The following ASZ1 variants were observed in gnomAD, a reference collection of about 807,000 sequenced individuals.
ASZ1 encodes the protein ankyrin repeat, SAM and basic leucine zipper domain containing 1, also known as ankyrin repeat, SAM and basic leucine zipper domain-containing protein 1.
A neutral mutation model predicts 61.8 loss-of-function variants in ASZ1; 67 were observed. That is an observed-to-expected ratio of 1.08 (90% CI 0.89 to 1.33). The LOEUF is 1.33. Among genes scored for constraint, ASZ1 ranks in the 40% most tolerant of loss-of-function variants. ASZ1 has a pLI of 0.00. For synonymous variants in ASZ1, 193 were observed against 192.7 expected (o/e 1.00, Z -0.01); for missense variants, 577 against 554.5 (o/e 1.04, Z -0.41).
At chr7:117,410,193 A>G (rs1005080370) in intron 4 of ASZ1, among the ~76,000 whole-genome samples, 1 of 151,770 alleles carries the variant, frequency 6.6e-6, no homozygotes, top group Admixed American at 6.6e-5. Flanking sequence ...TTTATATGCA[A>G]CACTTTTTAC....
rs1487410530 is a variant in ASZ1 at position 117,382,133 on chromosome 7, G to A, written c.824C>T (p.Ala275Val). 1.9e-6 allele frequency: 3 copies of A among 1,591,676 alleles called. No individual in the cohort carries two copies. The Admixed American group carries it at 5.0e-5, about 27-fold the overall frequency. ...EKDHIFSSYTAFGDLEVFLHG... is the reference protein window; with the variant it reads ...EKDHIFSSYTVFGDLEVFLHG... ...TAAAAATACTTCCAGATCTCCAAATGCTGTATATGAACTGTATACATTTAT... is the reference window on the plus strand; with the variant it reads ...TAAAAATACTTCCAGATCTCCAAATACTGTATATGAACTGTATACATTTAT... Residue 275 changes from alanine (A) to valine (V), a missense_variant, in exon 8 of 13, where the codon GCA (alanine) becomes GTA (valine). By Grantham distance (64) the Ala-to-Val change is moderately conservative. Transcript: ENST00000284629.
chr7:117,363,639 C>T lies in ASZ1; in HGVS notation c.1385G>A (p.Gly462Asp). 6.2e-7 allele frequency: 1 copy of T among 1,603,876 alleles called. No homozygotes were observed. The highest frequency in any genetic ancestry group is 8.5e-7 in the Non-Finnish European group (1 of 1,176,134). ...TAGCTTGCAAATGAAAAGAAGAAAA[C>T]CGAATCCGCATATGGTAATAGCTGT... ...KRTAITICGF[G>D]FLLFICKLTF... Residue 462 changes from glycine to aspartate, a missense_variant, in exon 13 of 13, where the codon GGT becomes GAT. Physicochemically the swap from Gly to Asp is moderately conservative, Grantham distance 94. Coordinates refer to ENST00000284629, the MANE Select transcript of ASZ1 (RefSeq NM_130768.3).
At chr7:117,393,698 C>T (rs529656162) in intron 4 of ASZ1, among the ~76,000 whole-genome samples, 9 of 152,050 alleles carry the variant, frequency 5.9e-5, no homozygotes, top group African/African-American at 1.7e-4. Context: ...TGAGTTTTAC[C>T]GATTATATTA....
At chr7:117,396,252 T>C (rs1287645507) in intron 4 of ASZ1, among the ~76,000 whole-genome samples, 2 of 152,180 alleles carry the variant, frequency 1.3e-5, no homozygotes, top group Non-Finnish European at 2.9e-5. Context: ...TAATAGGTAT[T>C]TTTATTATTA....
intron 4 of ASZ1, among the ~76,000 whole-genome samples, chr7:117,395,066 A>T (rs1341096163): frequency 1.3e-5 from 2 of 152,102 alleles, no homozygotes; most frequent in African/African-American, 4.8e-5. Context: ...TTGGTTGTGC[A>T]CCTACCTTCT....
At chr7:117,397,736 C>G (rs1796603309) in intron 4 of ASZ1, among the ~76,000 whole-genome samples, 1 of 152,164 alleles carries the variant, frequency 6.6e-6, no homozygotes, top group Non-Finnish European at 1.5e-5. Context: ...AAGAAAAATC[C>G]CCATCTCTCC....
chr7:117,373,156 TAAAAATTTCA>T (rs1205949084), intron 10 of ASZ1, among the ~76,000 whole-genome samples: 2 of 152,174 alleles, frequency 1.3e-5, no homozygotes, highest in Non-Finnish European at 2.9e-5. Context: ...CAGGAACAGT[TAAAAATTTCA>T]AATGTGAATG....
intron 10 of ASZ1, among the ~76,000 whole-genome samples, chr7:117,374,920 A>T (rs1562846158): frequency 6.6e-6 from 1 of 152,106 alleles, no homozygotes; most frequent in Non-Finnish European, 1.5e-5. Flanking sequence ...TTCCTAAGCA[A>T]TAAAAGAACA....
intron 4 of ASZ1, among the ~76,000 whole-genome samples, chr7:117,400,127 A>C (rs1298632382): frequency 6.6e-6 from 1 of 152,196 alleles, no homozygotes; most frequent in African/African-American, 2.4e-5. Flanking sequence ...TCTTCATGTC[A>C]TATTTTTGCA....
At position 117,382,158 on chromosome 7, in the gene ASZ1, T is replaced by C. The variant is rs747673498; in HGVS notation, c.813-14A>G. The stretch of plus-strand genomic sequence containing the variant: ...GCTGTATATGAACTGTATACATTTA[T>C]AGCAATGTCAATTTCAGAACAGATT... On this transcript the variant is annotated splice_polypyrimidine_tract_variant and intron_variant, in intron 7 of 12. Coordinates refer to ENST00000284629, the MANE Select transcript of ASZ1 (RefSeq NM_130768.3). The C allele has an allele frequency of 3.4e-6, 5 of 1,489,618 alleles. No homozygotes were observed. Among genetic ancestry groups the C allele is most frequent in the Non-Finnish European group, 4.7e-6 (5 of 1,070,840 alleles). The allele number at this position is 1,489,618 out of a possible 1,614,324, so 92.3% of individuals were successfully genotyped here. A position where few individuals can be genotyped will look rare whatever the true frequency, so the allele number is the denominator to read the frequency against.
chr7:117,420,096 T>C lies in ASZ1; in HGVS notation c.440+67A>G, dbSNP rs1016023320. 35 of 1,175,816 alleles carry C rather than the reference T, an allele frequency of 3.0e-5. No individual in the cohort carries two copies. The Middle Eastern group carries it at 8.1e-4, about 27-fold the overall frequency. 72.8% of individuals were successfully genotyped at this position (1,175,816 alleles called of 1,614,324 possible). A position where few individuals can be genotyped will look rare whatever the true frequency, so the allele number is the denominator to read the frequency against. ...CCAAGTAAACATTGTTCATGATTTT[T>C]AAAAGGCTGATACCAAAGAAAAATT... On this transcript the variant is annotated intron_variant, in intron 4 of 12. Coordinates refer to ENST00000284629, the MANE Select transcript of ASZ1 (RefSeq NM_130768.3).
intron 10 of ASZ1, among the ~76,000 whole-genome samples, chr7:117,371,397 T>A (rs907582466): frequency 2.6e-5 from 4 of 152,118 alleles, no homozygotes; most frequent in Non-Finnish European, 5.9e-5. Flanking sequence ...TTTATATACA[T>A]AATACATATA....
At position 117,384,715 on chromosome 7, in the gene ASZ1, C is replaced by G. The variant is rs766587239; in HGVS notation, c.687+11G>C. 3 of 1,608,864 alleles carry G rather than the reference C, an allele frequency of 1.9e-6. No homozygotes were observed. The South Asian group carries it at 3.3e-5, about 18-fold the overall frequency. On this transcript the variant is annotated intron_variant, in intron 6 of 12. Transcript: ENST00000284629. ...CCACAGAAAATAAGTTTAATATGTA[C>G]AGAAGGATACCTCATGATGTTTGTT... is the stretch of plus-strand genomic sequence containing the variant.
chr7:117,401,582 T>C (rs1055275964), intron 4 of ASZ1, among the ~76,000 whole-genome samples: 13 of 152,198 alleles, frequency 8.5e-5, no homozygotes, highest in African/African-American at 3.1e-4. Context: ...TAGAGTTTAC[T>C]GAGAACTTAC....
At chr7:117,397,002 T>C (rs1796587343) in intron 4 of ASZ1, among the ~76,000 whole-genome samples, 1 of 151,680 alleles carries the variant, frequency 6.6e-6, no homozygotes, top group African/African-American at 2.4e-5. Flanking sequence ...AAATAGCATC[T>C]ACAACATGTA....
chr7:117,368,725 A>G lies in ASZ1; in HGVS notation c.1056-8T>C, dbSNP rs1325376176. Reference sequence around the variant, plus strand: ...TTGAGGAACTCATCACCACTAAAGAAAGGAAACAAACAAACAAGCAGGAAT... The same window carrying G: ...TTGAGGAACTCATCACCACTAAAGAGAGGAAACAAACAAACAAGCAGGAAT... On this transcript the variant is annotated splice_region_variant and splice_polypyrimidine_tract_variant and intron_variant, in intron 10 of 12. Coordinates refer to ENST00000284629, the MANE Select transcript of ASZ1 (RefSeq NM_130768.3). 4 of 1,609,894 alleles carry G rather than the reference A, an allele frequency of 2.5e-6. No homozygotes were observed. Among genetic ancestry groups the G allele is most frequent in the Non-Finnish European group, 3.4e-6 (4 of 1,178,792 alleles).
intron 9 of ASZ1, 115 bp downstream of exon 9, chr7:117,380,896 G>T: frequency 1.1e-6 from 1 of 901,558 alleles, no homozygotes; most frequent in Non-Finnish European, 1.8e-6. Flanking sequence ...CAAGGACACA[G>T]TAGAAGATCA....
intron 10 of ASZ1, among the ~76,000 whole-genome samples, chr7:117,370,427 T>C (rs769095241): frequency 6.6e-6 from 1 of 152,026 alleles, no homozygotes; most frequent in South Asian, 2.1e-4. Context: ...ATGAAAGGGA[T>C]GGATTCAAAG....
intron 4 of ASZ1, among the ~76,000 whole-genome samples, chr7:117,390,773 G>A (rs1415482844): frequency 1.3e-5 from 2 of 152,078 alleles, no homozygotes; most frequent in Non-Finnish European, 2.9e-5. Context: ...GCACAATCTT[G>A]GCTCACTGCA....
Sources: gnomAD v4.1 joint callset for allele counts (sites outside exome capture counted in the v4.1 genomes callset) on GRCh38, gnomAD v4.1.1 for gene constraint, MANE v1.5 for transcripts, NCBI Gene and HGNC (gene_info 2026-07-23, HGNC 2026-07-21) for gene names.